Variants in KIF13A observed in about 807,000 individuals in gnomAD.
KIF13A encodes the protein kinesin family member 13A, also known as kinesin-like protein KIF13A.
In KIF13A, 79 loss-of-function variants were observed where a neutral mutation model predicts 212.2. That is an observed-to-expected ratio of 0.37 (90% confidence interval 0.31 to 0.45). The LOEUF is 0.45. Ranked by LOEUF, KIF13A falls within the 20% of genes least tolerant of loss-of-function variation. The pLI is 1.00. For synonymous variants in KIF13A, 789 were observed against 808.6 expected (o/e 0.98, Z 0.41); for missense variants, 1,901 against 2,209.0 (o/e 0.86, Z 2.79).
rs759680501 is a variant in KIF13A at position 17,771,183 on chromosome 6, G to A, written c.4512C>T (p.Cys1504=). The A allele has an allele frequency of 1.2e-6, 2 of 1,613,152 alleles. No individual in the cohort carries two copies. The part of the protein sequence containing the change: ...MPPPQAHNPG[C]IVPSGSNGSS... The stretch of plus-strand genomic sequence containing the variant: ...TGCCATTGCTTCCTGAGGGTACAAT[G>A]CAGCCAGGGTTATGTGCCTGAGGTG... The change falls in exon 38 of 39, where the codon TGC becomes TGT. Residue 1504 remains cysteine, a synonymous_variant. Coordinates refer to ENST00000259711, the MANE Select transcript of KIF13A (RefSeq NM_022113.6). The surrounding 1 kb of genome is among the most constrained non-coding windows in gnomAD (Gnocchi z 5.4).
rs1779551077 is a variant in KIF13A at position 17,968,829 on chromosome 6, G to C, written c.146+18225C>G. The stretch of plus-strand genomic sequence containing the variant: ...TATCATTATGTAACAATTTAATGCA[G>C]AAATTAGAGGTCTCAGAGGGCCCAG... On this transcript the variant is annotated intron_variant, in intron 2 of 38. Coordinates refer to ENST00000259711, the MANE Select transcript of KIF13A (RefSeq NM_022113.6). The surrounding 1 kb of genome is among the most constrained non-coding windows in gnomAD (Gnocchi z 4.7). Among the ~76,000 whole-genome samples the C allele has an allele frequency of 1.3e-5, 2 of 152,162 alleles. No individual in the cohort carries two copies. Among genetic ancestry groups the C allele is most frequent in the Admixed American group, 1.3e-4 (2 of 15,276 alleles).
chr6:17,983,482 T>TTGC (rs60982346), intron 2 of KIF13A, among the ~76,000 whole-genome samples: 26,024 of 140,630 alleles, frequency 0.19, 2,841 homozygotes, highest in African/African-American at 0.26. Flanking sequence ...CAAAACTGTC[T>TTGC]TGCTGCTGCT....
At chr6:17,876,806 T>TAA (rs1164180578) in intron 3 of KIF13A, among the ~76,000 whole-genome samples, 318 of 152,270 alleles carry the variant, frequency 2.1e-3, no homozygotes, top group African/African-American at 7.1e-3. Flanking sequence ...AACTAATTTT[T>TAA]GTGTTTTTTG....
intron 2 of KIF13A, among the ~76,000 whole-genome samples, chr6:17,929,091 G>A (rs1020421180): frequency 4.1e-5 from 6 of 145,470 alleles, no homozygotes; most frequent in Admixed American, 4.0e-4. Context: ...AAACAAAGGA[G>A]CTCTTTGAGA....
chr6:17,933,903 G>A (rs934241810), intron 2 of KIF13A, among the ~76,000 whole-genome samples: 1 of 152,086 alleles, frequency 6.6e-6, no homozygotes, highest in Non-Finnish European at 1.5e-5. Context: ...ATTTATCTCA[G>A]CCAGCTCCTG....
intron 2 of KIF13A, among the ~76,000 whole-genome samples, chr6:17,975,802 TAC>T (rs1321716708): frequency 1.3e-5 from 2 of 152,300 alleles, no homozygotes; most frequent in African/African-American, 4.8e-5. Context: ...AGTAGCTAGA[TAC>T]AGAGTGTCAA....
chr6:17,939,705 G>A (rs574886609), intron 2 of KIF13A, among the ~76,000 whole-genome samples: 122 of 152,240 alleles, frequency 8.0e-4, no homozygotes, highest in African/African-American at 2.8e-3. Flanking sequence ...AGTGACCCCT[G>A]GTCATCTTCA....
rs536813179 is a variant in KIF13A, at chr6:17,878,431, C to CTTTTT, written c.160-4999_160-4995dup. 2.6e-3 allele frequency among the ~76,000 whole-genome samples: 365 copies of CTTTTT among 139,810 alleles called. 1 individual carries two copies. Among genetic ancestry groups the CTTTTT allele is most frequent in the African/African-American group, 9.2e-3 (348 of 37,636 alleles). 91.7% of individuals were successfully genotyped at this position (139,810 alleles called of 152,430 possible). A position where few individuals can be genotyped will look rare whatever the true frequency, so the allele number is the denominator to read the frequency against. ...GTTAATTTTTCATGCCTACCTCTAACTTTTTTTTTTTTTTTCATTTTTGTT... is the reference window on the plus strand; with the variant it reads ...GTTAATTTTTCATGCCTACCTCTAACTTTTTTTTTTTTTTTTTTTTCATTTTTGTT... On this transcript the variant is annotated intron_variant, in intron 3 of 38. Coordinates refer to ENST00000259711, the MANE Select transcript of KIF13A (RefSeq NM_022113.6).
intron 29 of KIF13A, among the ~76,000 whole-genome samples, 196 bp from the exon 30 acceptor site, chr6:17,781,497 TTA>T: frequency 6.6e-6 from 1 of 152,094 alleles, no homozygotes; most frequent in Non-Finnish European, 1.5e-5. Flanking sequence ...TAAAAAATCA[TTA>T]TGTTTAATAG....
chr6:17,805,644 CCT>C, intron 18 of KIF13A, 29 bp from the exon 19 acceptor site: 1 of 1,562,054 alleles, frequency 6.4e-7, no homozygotes, highest in Non-Finnish European at 8.7e-7. Context: ...CAAAACAAAC[CCT>C]GTTATAACTC....
downstream of KIF13A, chr6:17,760,962 AC>A: frequency 7.2e-7 from 1 of 1,389,306 alleles, no homozygotes; most frequent in Non-Finnish European, 1.0e-6. Flanking sequence ...CCCAGTCCAC[AC>A]CCATCACAAG....
In KIF13A at chr6:17,850,992, AG is replaced by A. The variant is rs1386917168; in HGVS notation, c.583-536del. On this transcript the variant is annotated intron_variant, in intron 7 of 38. Coordinates refer to ENST00000259711, the MANE Select transcript of KIF13A (RefSeq NM_022113.6). The surrounding 1 kb of genome is among the most constrained non-coding windows in gnomAD (Gnocchi z 6.2). ...CATACAAGGATGCTGAAGTTCGTGG[AG>A]GTCAAGCAACTTTCCCCAAATCCAG... is the stretch of plus-strand genomic sequence containing the variant. Among the ~76,000 whole-genome samples, 1 of 152,124 alleles carries A rather than the reference AG, an allele frequency of 6.6e-6. No individual in the cohort carries two copies. Among genetic ancestry groups the A allele is most frequent in the African/African-American group, 2.4e-5 (1 of 41,422 alleles).
At position 17,951,356 on chromosome 6, in the gene KIF13A, C is replaced by A. The variant is rs1199964392; in HGVS notation, c.146+35698G>T. 4.6e-6 allele frequency: 3 copies of A among 645,716 alleles called. No individual in the cohort carries two copies. Among genetic ancestry groups the A allele is most frequent in the South Asian group, 1.7e-5 (1 of 59,772 alleles). The allele number at this position is 645,716 out of a possible 1,614,324, so 40.0% of individuals were successfully genotyped here. On this transcript the variant is annotated intron_variant, in intron 2 of 38. Transcript: ENST00000259711. The surrounding 1 kb of genome is among the most constrained non-coding windows in gnomAD (Gnocchi z 4.9). ...ATGTTGCAAAGGCTGGTCTTGAAAT[C>A]CTCGGCTCAAGTGATCCTCTTGCCT...
chr6:17,886,933 A>G lies in KIF13A; in HGVS notation c.159+11235T>C, dbSNP rs1390136593. Among the ~76,000 whole-genome samples the G allele has an allele frequency of 6.6e-6, 1 of 152,134 alleles. No homozygotes were observed. The highest frequency in any genetic ancestry group is 1.9e-4 in the East Asian group (1 of 5,194). On this transcript the variant is annotated intron_variant, in intron 3 of 38. Transcript: ENST00000259711. The surrounding 1 kb of genome is among the most constrained non-coding windows in gnomAD (Gnocchi z 5.6). ...TGGGAAATTTTTAGAAGGATGATTT[A>G]TAATGACAAAGTGTGGTATATTGCA...
At chr6:17,830,746 A>C (rs898732959) in intron 13 of KIF13A, among the ~76,000 whole-genome samples, 2 of 152,072 alleles carry the variant, frequency 1.3e-5, no homozygotes, top group African/African-American at 4.8e-5. Context: ...ATAACTAAGA[A>C]CCTCCAGAGC....
chr6:17,920,263 G>C (rs994735966), intron 2 of KIF13A, among the ~76,000 whole-genome samples: 1 of 151,978 alleles, frequency 6.6e-6, no homozygotes, highest in East Asian at 1.9e-4. Context: ...AAAAATACAA[G>C]GTAAATTAGC....
In KIF13A at chr6:17,888,359, A is replaced by C. The variant is rs1255546221; in HGVS notation, c.159+9809T>G. Among the ~76,000 whole-genome samples, 4 of 152,150 alleles carry C rather than the reference A, an allele frequency of 2.6e-5. No homozygotes were observed. Among genetic ancestry groups the C allele is most frequent in the African/African-American group, 9.7e-5 (4 of 41,430 alleles). ...ACCCAGATATAAAAGTAAAAATGTA[A>C]AAGATCAAGGTAGGTCTGCTGCATT... On this transcript the variant is annotated intron_variant, in intron 3 of 38. Transcript: ENST00000259711. The surrounding 1 kb of genome is among the most constrained non-coding windows in gnomAD (Gnocchi z 4.8).
In KIF13A at chr6:17,829,072, T is replaced by G. The variant is rs916751900; in HGVS notation, c.1402-702A>C. On this transcript the variant is annotated intron_variant, in intron 13 of 38. Transcript: ENST00000259711. This position sits in a 1 kb window ranked among gnomAD's most constrained non-coding sequence, Gnocchi z 5.4. ...AAGCCATTCTCTTGCCTCAGCCTCCTGAGTAGTTGGGATTACAGGTATGCG... is the reference window on the plus strand; with the variant it reads ...AAGCCATTCTCTTGCCTCAGCCTCCGGAGTAGTTGGGATTACAGGTATGCG... Among the ~76,000 whole-genome samples, 1 of 152,016 alleles carries G rather than the reference T, an allele frequency of 6.6e-6. No homozygotes were observed. Among genetic ancestry groups the G allele is most frequent in the Admixed American group, 6.6e-5 (1 of 15,260 alleles).
chr6:17,894,687 A>C (rs967719554), intron 3 of KIF13A, among the ~76,000 whole-genome samples: 2 of 152,172 alleles, frequency 1.3e-5, no homozygotes, highest in Non-Finnish European at 2.9e-5. Context: ...ATTCATAACT[A>C]AACTTCACGG....
Sources: allele counts gnomAD v4.1 joint callset (sites outside exome capture counted in the v4.1 genomes callset), GRCh38; gene constraint gnomAD v4.1.1; non-coding constraint Gnocchi (gnomAD v3.1); transcripts MANE v1.5; gene names NCBI Gene and HGNC (gene_info 2026-07-23, HGNC 2026-07-21).